F8: variants seen among roughly 807,000 people sequenced by gnomAD.
The protein encoded by F8 is antihemophilic factor.
In F8, 12 loss-of-function variants were observed where a neutral mutation model predicts 140.6. The ratio of observed to expected loss-of-function variants is 0.09; its 90% CI spans 0.05 to 0.14. F8 has a LOEUF of 0.14. Among genes scored for constraint, F8 ranks in the 10% least tolerant of loss-of-function variants. F8 has a pLI of 1.00. For missense variants in F8, 1,354 were observed against 1,720.7 expected (o/e 0.79, Z 3.77); for synonymous variants, 585 against 614.6 (o/e 0.95, Z 0.71).
At chrX:154,974,234 T>G (rs1156450560) in intron 6 of F8, among the ~76,000 whole-genome samples, 1 of 112,006 alleles carries the variant, frequency 8.9e-6, no homozygotes, top group Non-Finnish European at 1.9e-5. Flanking sequence ...GCTTGTCTTA[T>G]TCCAGTTCTT....
intron 22 of F8, among the ~76,000 whole-genome samples, chrX:154,866,795 A>C (rs1345800718): frequency 9.0e-6 from 1 of 111,407 alleles, no homozygotes; most frequent in South Asian, 3.7e-4. Flanking sequence ...GAACTACAAA[A>C]AGAAGAAAAA....
intron 7 of F8, among the ~76,000 whole-genome samples, chrX:154,968,519 T>TA (rs2124108792): frequency 8.9e-6 from 1 of 111,876 alleles, no homozygotes; most frequent in East Asian, 2.8e-4. Context: ...GATCCAAGAT[T>TA]AAGAGTTAGC....
chrX:154,901,223 T>C, intron 20 of F8, 148 bp downstream of exon 20: 1 of 495,013 alleles, frequency 2.0e-6, no homozygotes, highest in Non-Finnish European at 3.6e-6. Context: ...CAGTGGGAAG[T>C]GGAGAGGAGG....
chrX:154,945,769 G>T (rs2073300631), intron 13 of F8, among the ~76,000 whole-genome samples: 1 of 111,298 alleles, frequency 9.0e-6, no homozygotes, highest in Non-Finnish European at 1.9e-5. Context: ...AGAAATAAAG[G>T]GTACCCAAAT....
intron 6 of F8, among the ~76,000 whole-genome samples, chrX:154,974,965 TTTC>T (rs1343884344): frequency 8.9e-6 from 1 of 112,025 alleles, no homozygotes; most frequent in African/African-American, 3.2e-5. Context: ...TATTTCTGTT[TTTC>T]TTCTTTATTA....
intron 21 of F8, among the ~76,000 whole-genome samples, chrX:154,896,628 C>T (rs1228933151): frequency 9.0e-6 from 1 of 110,914 alleles, no homozygotes; most frequent in Non-Finnish European, 1.9e-5. Context: ...AGCCTCAGAC[C>T]AAAGCCAATT....
At chrX:154,839,156 TC>T (rs1236169077) in intron 25 of F8, among the ~76,000 whole-genome samples, 4 of 109,468 alleles carry the variant, frequency 3.7e-5, no homozygotes, top group Non-Finnish European at 7.6e-5. Context: ...TATATGTGAT[TC>T]CCTCTGCTTG....
chrX:154,913,866 A>G (rs782054415), intron 14 of F8, among the ~76,000 whole-genome samples: 58 of 112,161 alleles, frequency 5.2e-4, no homozygotes, highest in African/African-American at 1.7e-3. Flanking sequence ...CTCTCAGTGG[A>G]TCTACCATTC....
chrX:154,946,812 G>A (rs1371049383), intron 13 of F8, among the ~76,000 whole-genome samples: 1 of 111,320 alleles, frequency 9.0e-6, no homozygotes, highest in Non-Finnish European at 1.9e-5. Flanking sequence ...TGAAATATTT[G>A]CAAACTATAC....
At chrX:154,861,665 T>C in intron 24 of F8, 53 bp downstream of exon 24, 1 of 1,196,569 alleles carries the variant, frequency 8.4e-7, no homozygotes, top group Non-Finnish European at 1.1e-6. Context: ...TCCCCGATTT[T>C]TTCCCCAACC....
chrX:154,912,360 TTTTGA>T (rs1425631174), intron 14 of F8, among the ~76,000 whole-genome samples: 1 of 112,653 alleles, frequency 8.9e-6, no homozygotes, highest in Non-Finnish European at 1.9e-5. Context: ...CTCTAATCCA[TTTTGA>T]TTTAATTTTT....
intron 22 of F8, among the ~76,000 whole-genome samples, chrX:154,893,689 C>A (rs1387337961): frequency 4.5e-5 from 5 of 111,193 alleles, no homozygotes; most frequent in African/African-American, 1.6e-4. Flanking sequence ...TTTTATTTAA[C>A]CTTATATGTC....
At chrX:155,014,378 G>A (rs1227553807) in intron 1 of F8, among the ~76,000 whole-genome samples, 1 of 111,357 alleles carries the variant, frequency 9.0e-6, no homozygotes, top group African/African-American at 3.3e-5. Flanking sequence ...AAGAAGACAA[G>A]GATTCTGCTA....
At chrX:154,874,761 A>T (rs2148573688) in intron 22 of F8, among the ~76,000 whole-genome samples, 1 of 112,519 alleles carries the variant, frequency 8.9e-6, no homozygotes, top group African/African-American at 3.2e-5. Context: ...CTGCAAAAAT[A>T]AATTGGTACA....
chrX:154,918,785 T>C (rs992277700), intron 14 of F8: 10 of 53,016 alleles, frequency 1.9e-4, no homozygotes, highest in African/African-American at 7.5e-4. Flanking sequence ...ACTCTAATCA[T>C]GTTTTTTTTT....
chrX:154,987,234 A>G lies in F8; in HGVS notation c.670+3T>C. The G allele has an allele frequency of 8.3e-7, 1 of 1,203,778 alleles. No homozygotes were observed. The highest frequency in any genetic ancestry group is 2.2e-5 in the Admixed American group (1 of 46,034). ...TCCAAAATTCAGATTAAGACTCACT[A>G]ACCTTCATCAAATACAGCAAAAAGT... On this transcript the variant is annotated splice_donor_region_variant and intron_variant, in intron 5 of 25. Transcript: ENST00000360256.
At chrX:154,942,572 A>G (rs1195506791) in intron 13 of F8, among the ~76,000 whole-genome samples, 3 of 111,790 alleles carry the variant, frequency 2.7e-5, no homozygotes, top group Non-Finnish European at 3.8e-5. Flanking sequence ...ATTCACAGCC[A>G]AATTCTACCA....
intron 14 of F8, among the ~76,000 whole-genome samples, chrX:154,911,158 G>A (rs186220001): frequency 9.2e-6 from 1 of 108,566 alleles, no homozygotes; most frequent in African/African-American, 3.4e-5. Flanking sequence ...GTGCCGGCGC[G>A]GGTCCTCCGT....
intron 1 of F8, among the ~76,000 whole-genome samples, chrX:155,018,844 C>G (rs1325751273): frequency 8.9e-6 from 1 of 112,240 alleles, no homozygotes; most frequent in Non-Finnish European, 1.9e-5. Flanking sequence ...ATAAGTGAGT[C>G]TCACCTAACT....
Sources: gnomAD v4.1 joint callset for allele counts (sites outside exome capture counted in the v4.1 genomes callset) on GRCh38, gnomAD v4.1.1 for gene constraint, MANE v1.5 for transcripts, NCBI Gene and HGNC (gene_info 2026-07-23, HGNC 2026-07-21) for gene names.